The following FER variants were observed in gnomAD, a reference collection of about 807,000 sequenced individuals.
FER encodes the protein FER tyrosine kinase.
In FER, 63 loss-of-function variants were observed where a neutral mutation model predicts 111.0. That is an observed-to-expected ratio of 0.57 (90% CI 0.46 to 0.70). The LOEUF (loss-of-function observed/expected upper bound fraction) is 0.70, where lower values mean the gene tolerates loss of function less well. Among genes scored for constraint, FER ranks in the 30% least tolerant of loss-of-function variants. The probability of loss-of-function intolerance (pLI) is 0.00; values close to 1 mark genes in which losing one functional copy is unlikely to be tolerated. For synonymous variants in FER, 327 were observed against 313.9 expected (o/e 1.04, Z -0.44); for missense variants, 914 against 954.0 (o/e 0.96, Z 0.55).
intron 1 of FER, among the ~76,000 whole-genome samples, chr5:108,749,434 A>G (rs6889967): frequency 0.56 from 84,735 of 151,614 alleles, 25,159 homozygotes; most frequent in African/African-American, 0.74. Context: ...TGTGGGCACC[A>G]CCCAATCTTG....
At chr5:109,118,944 A>G (rs982508334) in intron 17 of FER, among the ~76,000 whole-genome samples, 21 of 142,266 alleles carry the variant, frequency 1.5e-4, no homozygotes, top group South Asian at 8.9e-4. Context: ...TGATCTTTTG[A>G]AAAAAAAAAA....
intron 17 of FER, among the ~76,000 whole-genome samples, chr5:109,160,394 A>T (rs1443605722): frequency 2.0e-5 from 3 of 152,192 alleles, no homozygotes; most frequent in African/African-American, 7.2e-5. Context: ...CTCTATTAGT[A>T]TATCAATAAC....
rs558997072 is a variant in FER, at chr5:108,952,707, T to C, written c.1330-2022T>C. ...CAGATACTTTCCCCAGATGACTTTT[T>C]CCCCCATACATATTCTTCGTCATAT... On this transcript the variant is annotated intron_variant, in intron 11 of 19. Transcript: ENST00000281092. 4.6e-5 allele frequency among the ~76,000 whole-genome samples: 7 copies of C among 152,218 alleles called. No individual in the cohort carries two copies. In the South Asian group the frequency reaches 1.0e-3, roughly 23 times the overall value.
intron 17 of FER, among the ~76,000 whole-genome samples, chr5:109,129,903 A>G (rs1752175691): frequency 6.6e-6 from 1 of 152,072 alleles, no homozygotes; most frequent in Non-Finnish European, 1.5e-5. Context: ...GGAAAATCCT[A>G]CATCTCACAT....
intron 17 of FER, among the ~76,000 whole-genome samples, chr5:109,112,988 A>C (rs1054291447): frequency 6.6e-6 from 1 of 152,162 alleles, no homozygotes; most frequent in East Asian, 1.9e-4. Flanking sequence ...CTCTCGAGTC[A>C]TCTGTCTTTC....
At position 109,187,892 on chromosome 5, in the gene FER, G is replaced by T; in HGVS notation, c.*317G>T. 1 of 301,732 alleles carries T rather than the reference G, an allele frequency of 3.3e-6. No individual in the cohort carries two copies. Among genetic ancestry groups the T allele is most frequent in the Non-Finnish European group, 6.2e-6 (1 of 162,080 alleles). The allele number at this position is 301,732 out of a possible 1,614,324, so 18.7% of individuals were successfully genotyped here. On this transcript the variant is annotated 3_prime_UTR_variant, in exon 20 of 20. Transcript: ENST00000281092. ...ATCTATCCTATCCTTTTCACACCTT[G>T]TTTCTACTTCAGGCACAGTTTGTAG... is the stretch of plus-strand genomic sequence containing the variant.
At chr5:109,096,182 C>T (rs1561889043) in intron 16 of FER, among the ~76,000 whole-genome samples, 1 of 151,954 alleles carries the variant, frequency 6.6e-6, no homozygotes, top group Non-Finnish European at 1.5e-5. Flanking sequence ...CACAGAGTAG[C>T]AGAAATCTTT....
chr5:109,084,190 T>C (rs552949927), intron 16 of FER, among the ~76,000 whole-genome samples: 1 of 152,122 alleles, frequency 6.6e-6, no homozygotes, highest in African/African-American at 2.4e-5. Flanking sequence ...GTAAGCACTT[T>C]GTTGACTTTT....
intron 5 of FER, among the ~76,000 whole-genome samples, chr5:108,841,260 TCAG>T (rs928785218): frequency 2.6e-5 from 4 of 152,184 alleles, no homozygotes; most frequent in African/African-American, 9.7e-5. Flanking sequence ...TTTCTTGACA[TCAG>T]CATAAAATAA....
intron 13 of FER, among the ~76,000 whole-genome samples, chr5:108,972,002 T>G (rs1760728498): frequency 6.6e-6 from 1 of 152,052 alleles, no homozygotes; most frequent in African/African-American, 2.4e-5. Context: ...TTCCAATATT[T>G]TATTTTATTT....
intron 16 of FER, among the ~76,000 whole-genome samples, chr5:109,084,727 C>A (rs536203179): frequency 4.0e-5 from 6 of 151,858 alleles, no homozygotes; most frequent in African/African-American, 1.4e-4. Flanking sequence ...CTTTTAGGAG[C>A]CTTATACTTT....
chr5:108,982,419 A>G (rs1464486520), intron 13 of FER, among the ~76,000 whole-genome samples: 1 of 152,096 alleles, frequency 6.6e-6, no homozygotes, highest in Non-Finnish European at 1.5e-5. Context: ...TTGAGGTATA[A>G]GCAATGACCT....
chr5:108,835,187 C>A (rs921758610), intron 4 of FER, among the ~76,000 whole-genome samples: 1 of 106,696 alleles, frequency 9.4e-6, no homozygotes, highest in African/African-American at 4.1e-5. Context: ...TTGCGCCACC[C>A]CCCCCCCCCC....
chr5:108,988,978 G>A (rs1165675077), intron 13 of FER, among the ~76,000 whole-genome samples: 2 of 152,152 alleles, frequency 1.3e-5, no homozygotes, highest in African/African-American at 4.8e-5. Context: ...TTGATACATT[G>A]TGTCATTGTT....
At chr5:109,115,782 G>C (rs1405420286) in intron 17 of FER, among the ~76,000 whole-genome samples, 1 of 151,860 alleles carries the variant, frequency 6.6e-6, no homozygotes, top group East Asian at 1.9e-4. Context: ...GTAGTTAGAT[G>C]CTTTCTGTTT....
At chr5:108,755,490 G>C (rs79621178) in intron 1 of FER, among the ~76,000 whole-genome samples, 10,225 of 152,048 alleles carry the variant, frequency 0.067, 427 homozygotes, top group South Asian at 0.086. Flanking sequence ...GGGTTTTTTT[G>C]TTGTTGTTTT....
chr5:108,860,823 C>T (rs1763445719), intron 5 of FER, among the ~76,000 whole-genome samples: 1 of 152,094 alleles, frequency 6.6e-6, no homozygotes, highest in African/African-American at 2.4e-5. Context: ...TTCCACATTG[C>T]TGGGGAGGCC....
intron 3 of FER, 120 bp from the exon 4 acceptor site, chr5:108,832,649 AT>A (rs59281987): frequency 0.068 from 45,235 of 664,892 alleles, 2,259 homozygotes; most frequent in African/African-American, 0.2. Flanking sequence ...CCAGAAACCT[AT>A]TTTTTATATT....
intron 16 of FER, among the ~76,000 whole-genome samples, chr5:109,071,938 G>A (rs1374009250): frequency 2.6e-5 from 4 of 151,268 alleles, no homozygotes; most frequent in Non-Finnish European, 4.4e-5. Context: ...ATATTTGCTA[G>A]TGATATATAA....
Sources: allele counts gnomAD v4.1 joint callset (sites outside exome capture counted in the v4.1 genomes callset), GRCh38; gene constraint gnomAD v4.1.1; transcripts MANE v1.5; gene names NCBI Gene and HGNC (gene_info 2026-07-23, HGNC 2026-07-21).